NEK7: variants seen among roughly 807,000 people sequenced by gnomAD.
NEK7 encodes NIMA related kinase 7, also known as serine/threonine-protein kinase Nek7.
In NEK7, 18 loss-of-function variants were observed where a neutral mutation model predicts 44.6. The observed-to-expected ratio is 0.40, with a 90% CI of 0.28 to 0.60. NEK7 has a LOEUF of 0.60. Ranked by LOEUF, NEK7 falls within the 20% of genes least tolerant of loss-of-function variation. The pLI is 0.38. For synonymous variants in NEK7, 130 were observed against 121.1 expected (o/e 1.07, Z -0.48); for missense variants, 256 against 366.5 (o/e 0.70, Z 2.46).
intron 2 of NEK7, among the ~76,000 whole-genome samples, chr1:198,250,381 A>G (rs894711310): frequency 2.6e-5 from 4 of 152,158 alleles, no homozygotes; most frequent in Admixed American, 1.3e-4. Context: ...TTGGTTCCAT[A>G]TGAACTTTAA....
intron 1 of NEK7, among the ~76,000 whole-genome samples, chr1:198,180,823 G>A (rs896182380): frequency 3.9e-5 from 6 of 152,018 alleles, no homozygotes; most frequent in Admixed American, 3.9e-4. Flanking sequence ...AAATAAAAGT[G>A]TGAATAAGTA....
At chr1:198,166,606 C>T (rs949517844) in intron 1 of NEK7, among the ~76,000 whole-genome samples, 1 of 152,058 alleles carries the variant, frequency 6.6e-6, no homozygotes. Context: ...TAGTGAGGCC[C>T]AAGGAGAGGG....
intron 1 of NEK7, among the ~76,000 whole-genome samples, chr1:198,189,766 T>C (rs1665020865): frequency 6.6e-6 from 1 of 152,164 alleles, no homozygotes; most frequent in Admixed American, 6.5e-5. Context: ...TCAGAATAGC[T>C]ACCAAGCTCA....
intron 7 of NEK7, among the ~76,000 whole-genome samples, chr1:198,286,655 A>C (rs1303736689): frequency 1.3e-5 from 2 of 152,226 alleles, no homozygotes; most frequent in Non-Finnish European, 2.9e-5. Flanking sequence ...GTAGGTCAGA[A>C]GTCCAATATG....
chr1:198,177,861 A>G (rs16842514), intron 1 of NEK7, among the ~76,000 whole-genome samples: 22,616 of 152,048 alleles, frequency 0.15, 1,851 homozygotes, highest in East Asian at 0.22. Flanking sequence ...AATTAAGATA[A>G]GAAAAGATAT....
chr1:198,295,646 C>A (rs780258401), intron 8 of NEK7, among the ~76,000 whole-genome samples: 7 of 150,344 alleles, frequency 4.7e-5, no homozygotes, highest in Non-Finnish European at 8.9e-5. Flanking sequence ...TAACACTCTG[C>A]AGTACTGAGA....
chr1:198,261,895 A>G (rs867304710), intron 3 of NEK7, among the ~76,000 whole-genome samples: 10 of 151,946 alleles, frequency 6.6e-5, no homozygotes, highest in Admixed American at 2.0e-4. Context: ...TTTTAATTCC[A>G]CAAATACAGT....
intron 1 of NEK7, among the ~76,000 whole-genome samples, chr1:198,201,200 G>A (rs1665420848): frequency 6.6e-6 from 1 of 152,068 alleles, no homozygotes. Context: ...AAATTAATGA[G>A]TCCCACCAGA....
At chr1:198,174,890 A>G (rs1231176909) in intron 1 of NEK7, among the ~76,000 whole-genome samples, 2 of 151,902 alleles carry the variant, frequency 1.3e-5, no homozygotes, top group Non-Finnish European at 2.9e-5. Flanking sequence ...CCAAGTAGCT[A>G]GGACCACAGG....
intron 4 of NEK7, among the ~76,000 whole-genome samples, chr1:198,263,304 T>C (rs571667642): frequency 6.6e-6 from 1 of 152,058 alleles, no homozygotes; most frequent in Non-Finnish European, 1.5e-5. Flanking sequence ...GAAAGTAAGG[T>C]CAAAACAATG....
intron 9 of NEK7, among the ~76,000 whole-genome samples, chr1:198,314,278 C>T (rs139450744): frequency 6.6e-6 from 1 of 152,172 alleles, no homozygotes; most frequent in African/African-American, 2.4e-5. Flanking sequence ...TGGTTTTCAG[C>T]TCCATCAGCT....
At chr1:198,309,199 A>G (rs932986292) in intron 9 of NEK7, among the ~76,000 whole-genome samples, 1 of 152,156 alleles carries the variant, frequency 6.6e-6, no homozygotes, top group African/African-American at 2.4e-5. Context: ...GGTAAGGCAG[A>G]CAGGTGAGAG....
Position 198,312,174 on chromosome 1 carries a change from T to C in NEK7, c.799-7238T>C, listed in dbSNP as rs1451457363. Reference sequence around the variant, plus strand: ...TTCCTGGTTTAGTCTTGGGAGAGTGTATGTGTCAAGGAATTTATCCATTTC... The same window carrying C: ...TTCCTGGTTTAGTCTTGGGAGAGTGCATGTGTCAAGGAATTTATCCATTTC... On this transcript the variant is annotated intron_variant, in intron 9 of 9. Coordinates refer to ENST00000367385, the MANE Select transcript of NEK7 (RefSeq NM_133494.3). Among the ~76,000 whole-genome samples, 7 of 152,122 alleles carry C rather than the reference T, an allele frequency of 4.6e-5. 1 individual carries two copies. The highest frequency in any genetic ancestry group is 1.0e-4 in the Non-Finnish European group (7 of 68,034).
At chr1:198,183,064 T>C (rs1050427067) in intron 1 of NEK7, among the ~76,000 whole-genome samples, 6 of 152,120 alleles carry the variant, frequency 3.9e-5, no homozygotes, top group Admixed American at 3.3e-4. Flanking sequence ...AACTCAAAAA[T>C]GGGCCAGTTT....
In NEK7 at chr1:198,157,732, G is replaced by C. The variant is rs559625859; in HGVS notation, c.-29+456G>C. Among the ~76,000 whole-genome samples the C allele has an allele frequency of 6.6e-5, 10 of 152,336 alleles. No homozygotes were observed. In the East Asian group the frequency reaches 1.7e-3, roughly 26 times the overall value. On this transcript the variant is annotated intron_variant, in intron 1 of 9. Transcript: ENST00000367385. Reference sequence around the variant, plus strand: ...AGCCCGACTTAGGAAAGTGAAGTGCGCTGGGAGAGAGTGGGTGGTGGGAGC... The same window carrying C: ...AGCCCGACTTAGGAAAGTGAAGTGCCCTGGGAGAGAGTGGGTGGTGGGAGC...
intron 8 of NEK7, among the ~76,000 whole-genome samples, chr1:198,294,491 C>A (rs1355718306): frequency 1.3e-5 from 2 of 151,896 alleles, no homozygotes; most frequent in African/African-American, 4.8e-5. Context: ...TCTTCAAATC[C>A]CTAAAAGTAA....
intron 1 of NEK7, among the ~76,000 whole-genome samples, chr1:198,201,539 C>A (rs557299526): frequency 1.3e-5 from 2 of 152,048 alleles, no homozygotes; most frequent in East Asian, 3.9e-4. Flanking sequence ...ACTGTCTGAC[C>A]CTTTACCAAA....
At chr1:198,218,648 A>C (rs1665994214) in intron 1 of NEK7, among the ~76,000 whole-genome samples, 2 of 152,018 alleles carry the variant, frequency 1.3e-5, no homozygotes, top group Admixed American at 1.3e-4. Context: ...GAATGGGAGA[A>C]AATATTTGCA....
chr1:198,253,236 A>T (rs1653135628), intron 3 of NEK7, 56 bp downstream of exon 3: 2 of 1,204,130 alleles, frequency 1.7e-6, no homozygotes, highest in East Asian at 4.8e-5. Context: ...TGAATTATAG[A>T]TGAGAAAAGT....
Sources: gnomAD v4.1 joint callset for allele counts (sites outside exome capture counted in the v4.1 genomes callset) on GRCh38, gnomAD v4.1.1 for gene constraint, MANE v1.5 for transcripts, NCBI Gene and HGNC (gene_info 2026-07-23, HGNC 2026-07-21) for gene names.